Variants in TIGAR observed in about 807,000 individuals in gnomAD.
TIGAR encodes TP53 induced glycolysis regulatory phosphatase.
A neutral mutation model predicts 17.9 loss-of-function variants in TIGAR; 7 were observed. That is an observed-to-expected ratio of 0.39 (90% CI 0.22 to 0.73). The LOEUF (loss-of-function observed/expected upper bound fraction) is 0.73. TIGAR is among the 30% of genes least tolerant of loss of function. TIGAR has a pLI of 0.42. For synonymous variants in TIGAR, 94 were observed against 108.6 expected (o/e 0.87, Z 0.84); for missense variants, 258 against 327.4 (o/e 0.79, Z 1.64).
chr12:4,350,081 A>G (rs948696923), intron 4 of TIGAR, among the ~76,000 whole-genome samples, 185 bp downstream of exon 4: 2 of 152,216 alleles, frequency 1.3e-5, no homozygotes, highest in Admixed American at 1.3e-4. Context: ...TATTAAAATC[A>G]AACGAGACAA....
At chr12:4,323,685 G>T (rs1442319210) in intron 1 of TIGAR, among the ~76,000 whole-genome samples, 1 of 152,180 alleles carries the variant, frequency 6.6e-6, no homozygotes, top group Non-Finnish European at 1.5e-5. Flanking sequence ...CCCGGTATTT[G>T]TAGATTACTT....
intron 1 of TIGAR, among the ~76,000 whole-genome samples, chr12:4,328,691 C>T (rs1170194450): frequency 1.3e-5 from 2 of 151,822 alleles, no homozygotes; most frequent in African/African-American, 2.4e-5. Context: ...ATTCTTCTGC[C>T]TCAGCCTCCC....
intron 3 of TIGAR, among the ~76,000 whole-genome samples, chr12:4,338,090 G>A (rs746122455): frequency 2.6e-5 from 4 of 152,024 alleles, no homozygotes; most frequent in Non-Finnish European, 5.9e-5. Flanking sequence ...AGATCGTGCC[G>A]TTGCATGGTT....
intron 3 of TIGAR, among the ~76,000 whole-genome samples, chr12:4,347,745 TG>T (rs1403714340): frequency 6.6e-6 from 1 of 152,066 alleles, no homozygotes; most frequent in Non-Finnish European, 1.5e-5. Flanking sequence ...AAAACCTCAG[TG>T]GAAGTACTGA....
At position 4,359,024 on chromosome 12, in the gene TIGAR, G is replaced by C. The variant is rs1864944831; in HGVS notation, c.*6333G>C. Among the ~76,000 whole-genome samples the C allele has an allele frequency of 6.6e-6, 1 of 152,018 alleles. No homozygotes were observed. The highest frequency in any genetic ancestry group is 6.6e-5 in the Admixed American group (1 of 15,258). On this transcript the variant is annotated 3_prime_UTR_variant, in exon 6 of 6. Coordinates refer to ENST00000179259, the MANE Select transcript of TIGAR (RefSeq NM_020375.3). ...ATGTGTCCTTGGTCATGTCAGGAGG[G>C]ACAGGACGTTGTATCAATATGTCTG...
In TIGAR at chr12:4,352,844, G is replaced by T; in HGVS notation, c.*153G>T. 1.5e-6 allele frequency: 1 copy of T among 657,764 alleles called. No homozygotes were observed. The highest frequency in any genetic ancestry group is 2.5e-6 in the Non-Finnish European group (1 of 393,836). 40.7% of individuals were successfully genotyped at this position (657,764 alleles called of 1,614,324 possible). The stretch of plus-strand genomic sequence containing the variant: ...ACCATAGCCACATAAAACTTTAATG[G>T]ACAACCATATAGAATTAACTTATTT... On this transcript the variant is annotated 3_prime_UTR_variant, in exon 6 of 6. Transcript: ENST00000179259.
chr12:4,324,559 A>G, intron 1 of TIGAR: 2 of 1,607,088 alleles, frequency 1.2e-6, no homozygotes, highest in Non-Finnish European at 1.7e-6. Context: ...GGGCAGGATG[A>G]TCATGTCCCG....
intron 3 of TIGAR, among the ~76,000 whole-genome samples, chr12:4,339,367 T>G (rs1018308844): frequency 4.6e-5 from 7 of 152,148 alleles, no homozygotes; most frequent in African/African-American, 1.7e-4. Context: ...ATCCAAAGCC[T>G]AAACAGAATA....
At chr12:4,332,238 C>CTT (rs777711454) in intron 2 of TIGAR, among the ~76,000 whole-genome samples, 3,582 of 95,196 alleles carry the variant, frequency 0.038, 362 homozygotes, top group East Asian at 0.28. Context: ...TCATGTATTT[C>CTT]TTTTTTTTTT....
chr12:4,340,897 A>G (rs1233104623), intron 3 of TIGAR, among the ~76,000 whole-genome samples: 1 of 152,252 alleles, frequency 6.6e-6, no homozygotes, highest in Non-Finnish European at 1.5e-5. Flanking sequence ...AATAAAATGG[A>G]TTGAAGACTT....
At position 4,358,488 on chromosome 12, in the gene TIGAR, T is replaced by A. The variant is rs1406507104; in HGVS notation, c.*5797T>A. Among the ~76,000 whole-genome samples, 1 of 152,202 alleles carries A rather than the reference T, an allele frequency of 6.6e-6. No homozygotes were observed. Among genetic ancestry groups the A allele is most frequent in the Non-Finnish European group, 1.5e-5 (1 of 68,046 alleles). On this transcript the variant is annotated 3_prime_UTR_variant, in exon 6 of 6. Coordinates refer to ENST00000179259, the MANE Select transcript of TIGAR (RefSeq NM_020375.3). ...ACCACTTGCTTACCTGTTGTCCCAC[T>A]TGCTTTGCCATTTTTTCTCTCTCCC... is the stretch of plus-strand genomic sequence containing the variant.
Position 4,321,231 on chromosome 12 carries a change from A to G in TIGAR, c.-41A>G, listed in dbSNP as rs990579701. 1.9e-6 allele frequency: 3 copies of G among 1,598,448 alleles called. No homozygotes were observed. Among genetic ancestry groups the G allele is most frequent in the Non-Finnish European group, 8.5e-7 (1 of 1,179,560 alleles). On this transcript the variant is annotated 5_prime_UTR_variant, in exon 1 of 6. Transcript: ENST00000179259. The surrounding 1 kb of genome is among the most constrained non-coding windows in gnomAD (Gnocchi z 5.2). ...GGGAGGTAGCCCGCAGTGCAGGGGC[A>G]GCGCGGCGCGGGGCCACCGACGGGA... is the stretch of plus-strand genomic sequence containing the variant.
intron 1 of TIGAR, among the ~76,000 whole-genome samples, chr12:4,322,194 G>A (rs1444411606): frequency 2.0e-5 from 3 of 151,902 alleles, no homozygotes; most frequent in Non-Finnish European, 4.4e-5. Context: ...ACAGGGTTTC[G>A]CCATGTTGGT....
chr12:4,344,183 G>T (rs1261460524), intron 3 of TIGAR, among the ~76,000 whole-genome samples: 4 of 152,302 alleles, frequency 2.6e-5, no homozygotes, highest in African/African-American at 9.6e-5. Flanking sequence ...ACAGGAAGAA[G>T]TTGAATCTCT....
In TIGAR at chr12:4,356,599, C is replaced by T. The variant is rs1032225027; in HGVS notation, c.*3908C>T. On this transcript the variant is annotated 3_prime_UTR_variant, in exon 6 of 6. Transcript: ENST00000179259. ...ACTGACATATCCACATCACCTGAAA[C>T]CCATAGTTTACATTAGGGTTCATTC... 1.6e-4 allele frequency among the ~76,000 whole-genome samples: 24 copies of T among 152,136 alleles called. No individual in the cohort carries two copies. The highest frequency in any genetic ancestry group is 5.6e-4 in the African/African-American group (23 of 41,426).
intron 3 of TIGAR, among the ~76,000 whole-genome samples, chr12:4,347,915 C>T (rs1397051449): frequency 1.3e-5 from 2 of 152,134 alleles, no homozygotes; most frequent in Non-Finnish European, 2.9e-5. Flanking sequence ...GCGGGAAGAT[C>T]ACTTGAGCTC....
In TIGAR at chr12:4,349,756, C is replaced by T. The variant is rs1864817517; in HGVS notation, c.193-63C>T. The T allele has an allele frequency of 3.0e-6, 4 of 1,321,530 alleles. 1 individual carries two copies. The Admixed American group carries it at 8.7e-5, about 29-fold the overall frequency. The allele number at this position is 1,321,530 out of a possible 1,614,324, so 81.9% of individuals were successfully genotyped here. A position where few individuals can be genotyped will look rare whatever the true frequency, so the allele number is the denominator to read the frequency against. On this transcript the variant is annotated intron_variant, in intron 3 of 5. Transcript: ENST00000179259. ...TTCACTAAGATGACATAGATTCTTT[C>T]AGTGCTTCCACCAGAATGGTGATTA... is the stretch of plus-strand genomic sequence containing the variant.
intron 1 of TIGAR, among the ~76,000 whole-genome samples, chr12:4,322,998 G>A (rs1268058925): frequency 6.6e-6 from 1 of 151,742 alleles, no homozygotes; most frequent in Non-Finnish European, 1.5e-5. Flanking sequence ...CATCAAGGTG[G>A]TTCACCCCTG....
chr12:4,324,800 T>C, intron 1 of TIGAR: 1 of 614,426 alleles, frequency 1.6e-6, no homozygotes, highest in Non-Finnish European at 3.0e-6. Flanking sequence ...TCTTCTGCTC[T>C]ACCTCGGCCA....
Sources: allele counts gnomAD v4.1 joint callset (sites outside exome capture counted in the v4.1 genomes callset), GRCh38; gene constraint gnomAD v4.1.1; non-coding constraint Gnocchi (gnomAD v3.1); transcripts MANE v1.5; gene names NCBI Gene and HGNC (gene_info 2026-07-23, HGNC 2026-07-21).